The following GAS7 variants were observed in gnomAD, a reference collection of about 807,000 sequenced individuals.
GAS7 encodes growth arrest specific 7.
Under a neutral mutation model 71.1 loss-of-function variants are expected in GAS7, and 28 were observed. That is an observed-to-expected ratio of 0.39 (90% CI 0.29 to 0.54). The LOEUF is 0.54. GAS7 is among the 20% of genes least tolerant of loss of function. The probability of loss-of-function intolerance (pLI) is 0.62; values close to 1 mark genes in which losing one functional copy is unlikely to be tolerated. For missense variants in GAS7, 436 were observed against 627.8 expected (o/e 0.69, Z 3.27); for synonymous variants, 258 against 245.8 (o/e 1.05, Z -0.46).
At position 9,916,726 on chromosome 17, in the gene GAS7, T is replaced by G; in HGVS notation, c.*502A>C. ...CTCCCAGAATGCAATGGGAAAAAAATAAAGAAGGAGGGCTGCAAAGGATTC... is the reference window on the plus strand; with the variant it reads ...CTCCCAGAATGCAATGGGAAAAAAAGAAAGAAGGAGGGCTGCAAAGGATTC... On this transcript the variant is annotated 3_prime_UTR_variant, in exon 14 of 14. Transcript: ENST00000432992. 2.6e-6 allele frequency: 1 copy of G among 386,620 alleles called. No homozygotes were observed. Among genetic ancestry groups the G allele is most frequent in the Non-Finnish European group, 4.6e-6 (1 of 219,024 alleles). 23.9% of individuals were successfully genotyped at this position (386,620 alleles called of 1,614,324 possible).
At position 9,919,031 on chromosome 17, in the gene GAS7, A is replaced by G. The variant is rs563554080; in HGVS notation, c.1218+595T>C. 1.3e-5 allele frequency among the ~76,000 whole-genome samples: 2 copies of G among 152,226 alleles called. No homozygotes were observed. The highest frequency in any genetic ancestry group is 4.1e-4 in the South Asian group (2 of 4,824). Reference sequence around the variant, plus strand: ...GCTGATCCGATGAGCACCTGGCATGATGCCTCCTGTCCCATCTGGCCCAAG... The same window carrying G: ...GCTGATCCGATGAGCACCTGGCATGGTGCCTCCTGTCCCATCTGGCCCAAG... On this transcript the variant is annotated intron_variant, in intron 12 of 13. Transcript: ENST00000432992. This position sits in a 1 kb window ranked among gnomAD's most constrained non-coding sequence, Gnocchi z 5.0.
intron 7 of GAS7, 39 bp from the exon 8 acceptor site, chr17:9,940,239 G>A (rs1441084221): frequency 5.3e-6 from 8 of 1,506,930 alleles, no homozygotes; most frequent in Non-Finnish European, 7.4e-6. Context: ...CAGCTCTCCA[G>A]TGCCAGATCG....
chr17:10,134,159 T>A (rs1597811123), intron 1 of GAS7, among the ~76,000 whole-genome samples: 1 of 152,116 alleles, frequency 6.6e-6, no homozygotes, highest in South Asian at 2.1e-4. Flanking sequence ...GCCTCCCGAG[T>A]AGCTGGGACT....
intron 2 of GAS7, among the ~76,000 whole-genome samples, chr17:9,995,540 CAAAA>C (rs34223707): frequency 0.12 from 16,588 of 143,202 alleles, 1,504 homozygotes; most frequent in African/African-American, 0.26. Flanking sequence ...TGATCAATAA[CAAAA>C]AAAAAAAAAA....
At chr17:10,013,535 G>A (rs1357314870) in intron 2 of GAS7, among the ~76,000 whole-genome samples, 1 of 152,206 alleles carries the variant, frequency 6.6e-6, no homozygotes, top group African/African-American at 2.4e-5. Flanking sequence ...TCTGCATGAT[G>A]AAATTTCCAG....
At chr17:10,161,840 G>A (rs924275081) in intron 1 of GAS7, among the ~76,000 whole-genome samples, 1 of 152,032 alleles carries the variant, frequency 6.6e-6, no homozygotes, top group Non-Finnish European at 1.5e-5. Context: ...CGAGGCGGGC[G>A]GATCATGAGG....
intron 7 of GAS7, among the ~76,000 whole-genome samples, chr17:9,941,030 G>T (rs540972577): frequency 3.0e-3 from 463 of 152,324 alleles, no homozygotes; most frequent in Non-Finnish European, 5.0e-3. Flanking sequence ...CAGAGATGCT[G>T]GGACCACAGC....
At chr17:10,098,682 G>A (rs759752172) in intron 1 of GAS7, among the ~76,000 whole-genome samples, 5 of 152,204 alleles carry the variant, frequency 3.3e-5, no homozygotes, top group African/African-American at 7.2e-5. Context: ...ACAGGTGGCC[G>A]GGCGCGGTGG....
chr17:10,131,271 C>G lies in GAS7; in HGVS notation c.183+66937G>C, dbSNP rs115298106. 9.8e-3 allele frequency among the ~76,000 whole-genome samples: 1,493 copies of G among 152,310 alleles called. 33 individuals are homozygous for G. Among genetic ancestry groups the G allele is most frequent in the African/African-American group, 0.035 (1,446 of 41,560 alleles). Reference sequence around the variant, plus strand: ...CTAAACTTTAAGTTTCTGAACACAGCGGGGCCTGATAATTACAGCCAACAT... The same window carrying G: ...CTAAACTTTAAGTTTCTGAACACAGGGGGGCCTGATAATTACAGCCAACAT... On this transcript the variant is annotated intron_variant, in intron 1 of 13. Coordinates refer to ENST00000432992, the MANE Select transcript of GAS7 (RefSeq NM_201433.2).
chr17:9,937,107 TC>T (rs1358994804), intron 8 of GAS7, among the ~76,000 whole-genome samples: 1 of 152,236 alleles, frequency 6.6e-6, no homozygotes, highest in African/African-American at 2.4e-5. Flanking sequence ...GTGTTCATGT[TC>T]CAGTGCCTGC....
At chr17:10,100,072 T>A (rs1394880099) in intron 1 of GAS7, among the ~76,000 whole-genome samples, 2 of 152,228 alleles carry the variant, frequency 1.3e-5, no homozygotes, top group African/African-American at 4.8e-5. Flanking sequence ...ATTAGGAGTT[T>A]AAAGGCTCCG....
At chr17:10,084,954 G>C (rs547435409) in intron 1 of GAS7, among the ~76,000 whole-genome samples, 1 of 152,220 alleles carries the variant, frequency 6.6e-6, no homozygotes, top group Non-Finnish European at 1.5e-5. Context: ...ACTTCGTGCT[G>C]ATACTTTAAA....
At chr17:10,041,994 G>A (rs1394489405) in intron 1 of GAS7, among the ~76,000 whole-genome samples, 3 of 152,096 alleles carry the variant, frequency 2.0e-5, no homozygotes, top group Non-Finnish European at 4.4e-5. Context: ...GAATTGGGTT[G>A]TCTTAAAATG....
At chr17:10,014,207 G>A (rs1036300224) in intron 2 of GAS7, among the ~76,000 whole-genome samples, 15 of 152,236 alleles carry the variant, frequency 9.9e-5, no homozygotes, top group East Asian at 5.8e-4. Context: ...CAGAAAACCC[G>A]GAGGAATCCA....
intron 1 of GAS7, among the ~76,000 whole-genome samples, chr17:10,176,550 G>A (rs949408514): frequency 6.6e-6 from 1 of 152,148 alleles, no homozygotes; most frequent in Admixed American, 6.5e-5. Context: ...AAAACTGAAG[G>A]TCAGAGATCT....
At chr17:10,046,911 C>A (rs1003196267) in intron 1 of GAS7, among the ~76,000 whole-genome samples, 1 of 127,924 alleles carries the variant, frequency 7.8e-6, no homozygotes, top group Non-Finnish European at 1.8e-5. Flanking sequence ...ATCTTGCAAA[C>A]CAAGATGAGT....
chr17:10,104,164 C>T (rs2073735758), intron 1 of GAS7, among the ~76,000 whole-genome samples: 1 of 152,238 alleles, frequency 6.6e-6, no homozygotes, highest in South Asian at 2.1e-4. Context: ...TAATTCCCTC[C>T]TTCCCACTCC....
chr17:10,069,506 G>C (rs2073318148), intron 1 of GAS7, among the ~76,000 whole-genome samples: 1 of 152,184 alleles, frequency 6.6e-6, no homozygotes, highest in Non-Finnish European at 1.5e-5. Flanking sequence ...TCAGGCCTTG[G>C]GCCAAGCACA....
At chr17:10,013,652 T>C (rs1258794597) in intron 2 of GAS7, among the ~76,000 whole-genome samples, 2 of 152,236 alleles carry the variant, frequency 1.3e-5, no homozygotes, top group Non-Finnish European at 2.9e-5. Context: ...CCACTGAAAC[T>C]TCCTGTTAGC....
Sources: allele counts gnomAD v4.1 joint callset (sites outside exome capture counted in the v4.1 genomes callset), GRCh38; gene constraint gnomAD v4.1.1; non-coding constraint Gnocchi (gnomAD v3.1); transcripts MANE v1.5; gene names NCBI Gene and HGNC (gene_info 2026-07-23, HGNC 2026-07-21).